ZNF407: variants seen among roughly 807,000 people sequenced by gnomAD.
ZNF407 encodes zinc finger protein 407.
A neutral mutation model predicts 131.2 loss-of-function variants in ZNF407; 17 were observed. That is an observed-to-expected ratio of 0.13 (90% CI 0.09 to 0.19). The LOEUF is 0.19. Ranked by LOEUF, ZNF407 falls within the 10% of genes least tolerant of loss-of-function variation. The pLI, the probability that ZNF407 is intolerant of heterozygous loss-of-function variation, is 1.00. For missense variants in ZNF407, 2,681 were observed against 2,830.6 expected, an observed-to-expected ratio of 0.95 and a Z score of 1.20; for synonymous variants, 1,156 against 1,062.0, an observed-to-expected ratio of 1.09 and a Z score of -1.72.
At chr18:74,602,177 A>C (rs969143697) in intron 1 of ZNF407, among the ~76,000 whole-genome samples, 3 of 152,218 alleles carry the variant, frequency 2.0e-5, no homozygotes, top group African/African-American at 7.2e-5. Context: ...TAAAACCCAG[A>C]AATAGCCTTG....
intron 3 of ZNF407, among the ~76,000 whole-genome samples, chr18:74,775,257 T>C (rs756703587): frequency 6.6e-6 from 1 of 152,218 alleles, no homozygotes; most frequent in Non-Finnish European, 1.5e-5. Flanking sequence ...GTCAGTATTA[T>C]CTATTCCACT....
At chr18:74,956,547 C>G (rs1276393328) in intron 8 of ZNF407, among the ~76,000 whole-genome samples, 1 of 152,136 alleles carries the variant, frequency 6.6e-6, no homozygotes, top group Non-Finnish European at 1.5e-5. Context: ...TGTACACACA[C>G]TGTGTCCTGA....
At chr18:74,868,244 C>T (rs1971040360) in intron 4 of ZNF407, among the ~76,000 whole-genome samples, 1 of 152,194 alleles carries the variant, frequency 6.6e-6, no homozygotes, top group Non-Finnish European at 1.5e-5. Flanking sequence ...TAGTACATTA[C>T]TTGGCCACAT....
chr18:75,008,216 T>C (rs1475376865), intron 8 of ZNF407, among the ~76,000 whole-genome samples: 1 of 152,148 alleles, frequency 6.6e-6, no homozygotes, highest in African/African-American at 2.4e-5. Context: ...ATACACCAAA[T>C]AATGAATGCC....
At position 75,048,854 on chromosome 18, in the gene ZNF407, G is replaced by T. The variant is rs1973464662; in HGVS notation, c.5429-14296G>T. Among the ~76,000 whole-genome samples the T allele has an allele frequency of 6.6e-6, 1 of 152,234 alleles. No homozygotes were observed. Among genetic ancestry groups the T allele is most frequent in the Admixed American group, 6.5e-5 (1 of 15,294 alleles). ...TTAAATTGGAGGGTGGGAAGGGGCA[G>T]AAGGGGTGAGCAGGCAGTGTTCAGG... On this transcript the variant is annotated intron_variant, in intron 8 of 8. Coordinates refer to ENST00000299687, the MANE Select transcript of ZNF407 (RefSeq NM_017757.3). This position sits in a 1 kb window ranked among gnomAD's most constrained non-coding sequence, Gnocchi z 4.1.
At chr18:74,899,349 G>A (rs1971493157) in intron 7 of ZNF407, among the ~76,000 whole-genome samples, 1 of 152,170 alleles carries the variant, frequency 6.6e-6, no homozygotes, top group African/African-American at 2.4e-5. Context: ...ATGGGAAGGT[G>A]AACGAATGGA....
intron 8 of ZNF407, among the ~76,000 whole-genome samples, chr18:75,043,148 C>T (rs1293475289): frequency 6.6e-6 from 1 of 152,180 alleles, no homozygotes; most frequent in East Asian, 1.9e-4. Context: ...CATGAGAGCT[C>T]CAGGTGCTCC....
At chr18:74,732,424 G>T (rs1968315145) in intron 3 of ZNF407, among the ~76,000 whole-genome samples, 1 of 152,244 alleles carries the variant, frequency 6.6e-6, no homozygotes, top group South Asian at 2.1e-4. Flanking sequence ...ATCAACAAAA[G>T]CTAATATTTA....
chr18:75,028,351 G>A lies in ZNF407; in HGVS notation c.5429-34799G>A, dbSNP rs370808534. On this transcript the variant is annotated intron_variant, in intron 8 of 8. Coordinates refer to ENST00000299687, the MANE Select transcript of ZNF407 (RefSeq NM_017757.3). ...ATGACCGTCTTCCCTGTGTCTTCACGTGGCCTTCCCTCTTGTGTCCTATGT... is the reference window on the plus strand; with the variant it reads ...ATGACCGTCTTCCCTGTGTCTTCACATGGCCTTCCCTCTTGTGTCCTATGT... 2.1e-4 allele frequency among the ~76,000 whole-genome samples: 32 copies of A among 152,228 alleles called. No homozygotes were observed. The East Asian group carries it at 3.1e-3, about 15-fold the overall frequency.
At chr18:74,844,109 C>T (rs1402737740) in intron 4 of ZNF407, among the ~76,000 whole-genome samples, 1 of 152,170 alleles carries the variant, frequency 6.6e-6, no homozygotes, top group East Asian at 1.9e-4. Flanking sequence ...TATGTCCACC[C>T]CTCCAACCTT....
chr18:74,691,295 A>G (rs1179374265), intron 3 of ZNF407, among the ~76,000 whole-genome samples: 1 of 151,842 alleles, frequency 6.6e-6, no homozygotes, highest in African/African-American at 2.4e-5. Context: ...AAAAATAATA[A>G]TAAATAATAA....
intron 8 of ZNF407, among the ~76,000 whole-genome samples, chr18:75,045,813 G>T (rs371502484): frequency 2.0e-5 from 3 of 152,282 alleles, no homozygotes; most frequent in African/African-American, 7.2e-5. Flanking sequence ...TTGGATTGCA[G>T]ATCAAGTATG....
intron 3 of ZNF407, among the ~76,000 whole-genome samples, chr18:74,705,551 G>T (rs750265356): frequency 6.6e-6 from 1 of 152,102 alleles, no homozygotes; most frequent in East Asian, 1.9e-4. Flanking sequence ...ATATGTATTG[G>T]TAGATTAGAC....
At chr18:74,989,118 G>A in intron 8 of ZNF407, among the ~76,000 whole-genome samples, 1 of 152,286 alleles carries the variant, frequency 6.6e-6, no homozygotes, top group East Asian at 1.9e-4. Context: ...TATGGTCAAT[G>A]GAATACTATT....
intron 3 of ZNF407, among the ~76,000 whole-genome samples, chr18:74,713,383 A>G (rs1473416969): frequency 1.1e-5 from 1 of 90,504 alleles, no homozygotes; most frequent in African/African-American, 4.5e-5. Context: ...TTTTTTTTTT[A>G]CATATCTTGC....
chr18:74,853,455 G>C (rs1347331875), intron 4 of ZNF407, among the ~76,000 whole-genome samples: 1 of 152,182 alleles, frequency 6.6e-6, no homozygotes, highest in African/African-American at 2.4e-5. Flanking sequence ...TGAGTGGCCA[G>C]ACATCCTGAG....
At chr18:74,957,339 A>T (rs1195567107) in intron 8 of ZNF407, among the ~76,000 whole-genome samples, 1 of 152,146 alleles carries the variant, frequency 6.6e-6, no homozygotes, top group East Asian at 1.9e-4. Flanking sequence ...TTCCATAGGC[A>T]GATGCTTCAC....
rs568131813 is a variant in ZNF407 at position 75,063,589 on chromosome 18, C to T, written c.5868C>T (p.Ser1956=). Residue 1956 remains serine (S), a synonymous_variant, in exon 9 of 9, where the codon TCC becomes TCT. Coordinates refer to ENST00000299687, the MANE Select transcript of ZNF407 (RefSeq NM_017757.3). This position sits in a 1 kb window ranked among gnomAD's most constrained non-coding sequence, Gnocchi z 6.6. ...GSMEGHGMDE[S]LSPGGAVIQQ... Reference sequence around the variant, plus strand: ...TGGAAGGCCACGGCATGGATGAGTCCCTCAGTCCAGGTGGCGCTGTGATAC... The same window carrying T: ...TGGAAGGCCACGGCATGGATGAGTCTCTCAGTCCAGGTGGCGCTGTGATAC... The T allele has an allele frequency of 1.9e-6, 3 of 1,570,170 alleles. No homozygotes were observed. The highest frequency in any genetic ancestry group is 2.7e-5 in the African/African-American group (2 of 73,816).
chr18:74,895,856 TA>T (rs1029192147), intron 7 of ZNF407, among the ~76,000 whole-genome samples: 1 of 152,200 alleles, frequency 6.6e-6, no homozygotes, highest in African/African-American at 2.4e-5. Context: ...CCACAGGGAA[TA>T]ATTTTCTTCT....
Sources: allele counts gnomAD v4.1 joint callset (sites outside exome capture counted in the v4.1 genomes callset), GRCh38; gene constraint gnomAD v4.1.1; non-coding constraint Gnocchi (gnomAD v3.1); transcripts MANE v1.5; gene names NCBI Gene and HGNC (gene_info 2026-07-23, HGNC 2026-07-21).